PRKCH: variants seen among roughly 807,000 people sequenced by gnomAD.
PRKCH encodes the protein protein kinase C eta.
PRKCH carries 28 observed loss-of-function variants against 82.5 expected under a neutral mutation model. The ratio of observed to expected loss-of-function variants is 0.34; its 90% confidence interval spans 0.25 to 0.47. The LOEUF is 0.47. Among genes scored for constraint, PRKCH ranks in the 20% least tolerant of loss-of-function variants. The probability of loss-of-function intolerance (pLI) is 1.00; values close to 1 mark genes in which losing one functional copy is unlikely to be tolerated. For missense variants in PRKCH, 705 were observed against 881.8 expected (o/e 0.80, Z 2.54); for synonymous variants, 322 against 327.4 (o/e 0.98, Z 0.18).
chr14:61,485,407 T>A, intron 9 of PRKCH, 95 bp from the exon 10 acceptor site: 9 of 1,440,806 alleles, frequency 6.2e-6, no homozygotes, highest in Non-Finnish European at 8.5e-6. Flanking sequence ...CTTGACAGTG[T>A]CCTCTCTATG....
chr14:61,227,057 A>G (rs2044702373), intron 1 of PRKCH, among the ~76,000 whole-genome samples: 1 of 152,172 alleles, frequency 6.6e-6, no homozygotes, highest in Admixed American at 6.5e-5. Flanking sequence ...TAACTTAGCC[A>G]CTTTGCAAGG....
intron 1 of PRKCH, chr14:61,307,119 C>T (rs2045490305): frequency 6.6e-6 from 1 of 152,070 alleles, no homozygotes; most frequent in South Asian, 2.1e-4. Flanking sequence ...AACAACAGGG[C>T]CGGGTGCAGT....
At chr14:61,192,473 T>TA (rs1385174004) in intron 1 of PRKCH, among the ~76,000 whole-genome samples, 2 of 152,198 alleles carry the variant, frequency 1.3e-5, no homozygotes, top group African/African-American at 4.8e-5. Flanking sequence ...TAACAAATAG[T>TA]AAATGGTCTG....
chr14:61,452,479 T>G (rs772545621), intron 6 of PRKCH, among the ~76,000 whole-genome samples: 15 of 152,206 alleles, frequency 9.9e-5, no homozygotes, highest in Non-Finnish European at 1.5e-4. Flanking sequence ...TGTCTCAGAA[T>G]TTATTCCAGC....
At chr14:61,426,466 C>T (rs1251261936) in intron 2 of PRKCH, among the ~76,000 whole-genome samples, 2 of 152,194 alleles carry the variant, frequency 1.3e-5, no homozygotes, top group African/African-American at 4.8e-5. Flanking sequence ...ACTCTTAGCT[C>T]TTTCACAAGT....
At position 61,549,936 on chromosome 14, in the gene PRKCH, C is replaced by T. The variant is rs1308928480; in HGVS notation, c.*105C>T. On this transcript the variant is annotated 3_prime_UTR_variant, in exon 14 of 14. Coordinates refer to ENST00000332981, the MANE Select transcript of PRKCH (RefSeq NM_006255.5). ...CCAGCATCAGCCTTAGAACAAGAACCTTACCTTCAAGGAGCAAGTGAAGAA... is the reference window on the plus strand; with the variant it reads ...CCAGCATCAGCCTTAGAACAAGAACTTTACCTTCAAGGAGCAAGTGAAGAA... 5.5e-5 allele frequency: 71 copies of T among 1,290,484 alleles called. No individual in the cohort carries two copies. Among genetic ancestry groups the T allele is most frequent in the Non-Finnish European group, 6.8e-5 (64 of 941,346 alleles). The allele number at this position is 1,290,484 out of a possible 1,614,324, so 79.9% of individuals were successfully genotyped here.
intron 1 of PRKCH, among the ~76,000 whole-genome samples, chr14:61,258,078 A>G (rs1365575506): frequency 6.6e-6 from 1 of 152,212 alleles, no homozygotes; most frequent in East Asian, 1.9e-4. Flanking sequence ...CCACCTAATT[A>G]ATTTTCAATA....
At chr14:61,281,072 A>C in intron 1 of PRKCH, 1 of 1,517,362 alleles carries the variant, frequency 6.6e-7, no homozygotes, top group Non-Finnish European at 8.8e-7. Flanking sequence ...AGCGGCTGCC[A>C]GGCGGGGAGG....
intron 2 of PRKCH, among the ~76,000 whole-genome samples, chr14:61,391,773 G>A (rs943958152): frequency 4.7e-4 from 71 of 152,054 alleles, no homozygotes; most frequent in Non-Finnish European, 1.9e-4. Flanking sequence ...TTTTACTTGA[G>A]GTAAAATTTA....
chr14:61,210,774 CTCTCTCT>C (rs1166951026), intron 1 of PRKCH, among the ~76,000 whole-genome samples: 1 of 110,810 alleles, frequency 9.0e-6, no homozygotes, highest in African/African-American at 2.9e-5. Flanking sequence ...CTCTCTCTCT[CTCTCTCT>C]CTCTCTCTCT....
At chr14:61,384,834 T>C (rs1260344799) in intron 1 of PRKCH, among the ~76,000 whole-genome samples, 1 of 152,036 alleles carries the variant, frequency 6.6e-6, no homozygotes, top group Non-Finnish European at 1.5e-5. Context: ...AGAAACAACA[T>C]AGAGAACCCT....
intron 2 of PRKCH, among the ~76,000 whole-genome samples, chr14:61,420,127 G>A (rs1882758809): frequency 6.6e-6 from 1 of 152,206 alleles, no homozygotes; most frequent in Non-Finnish European, 1.5e-5. Flanking sequence ...GTTATTCCAA[G>A]GTGGATTTTT....
rs1248972620 is a variant in PRKCH at position 61,457,192 on chromosome 14, C to T, written c.977C>T (p.Ser326Leu). The T allele has an allele frequency of 1.9e-6, 3 of 1,613,922 alleles. No individual in the cohort carries two copies. Among genetic ancestry groups the T allele is most frequent in the Non-Finnish European group, 1.7e-6 (2 of 1,179,940 alleles). Residue 326 changes from serine (S) to leucine (L), a missense_variant, in exon 8 of 14, where the codon TCG becomes TTG. Physicochemically the swap from Ser to Leu is moderately radical, Grantham distance 145. Coordinates refer to ENST00000332981, the MANE Select transcript of PRKCH (RefSeq NM_006255.5). ...ISPTSKLVSR[S>L]TLRRQGKESS... ...CTCTTTCAGAAACTCGTTTCCAGATCGACCCTAAGACGACAGGGAAAGGAG... is the reference window on the plus strand; with the variant it reads ...CTCTTTCAGAAACTCGTTTCCAGATTGACCCTAAGACGACAGGGAAAGGAG...
chr14:61,473,419 T>C (rs1236158995), intron 9 of PRKCH, among the ~76,000 whole-genome samples: 2 of 152,096 alleles, frequency 1.3e-5, no homozygotes, highest in Non-Finnish European at 2.9e-5. Context: ...TGGCAGCAGA[T>C]CTGGTGAGGA....
intron 12 of PRKCH, among the ~76,000 whole-genome samples, chr14:61,542,012 G>A (rs1302859823): frequency 3.9e-5 from 6 of 152,326 alleles, no homozygotes; most frequent in East Asian, 3.9e-4. Context: ...TTTGTAGGCC[G>A]GGCGTGGTGG....
At chr14:61,328,966 A>G (rs2045742893) in intron 1 of PRKCH, among the ~76,000 whole-genome samples, 1 of 151,442 alleles carries the variant, frequency 6.6e-6, no homozygotes, top group Non-Finnish European at 1.5e-5. Flanking sequence ...AGCTTAAATG[A>G]CAGAGCAAAA....
intron 9 of PRKCH, among the ~76,000 whole-genome samples, chr14:61,460,494 TTTA>T (rs1884980107): frequency 6.6e-6 from 1 of 152,336 alleles, no homozygotes; most frequent in African/African-American, 2.4e-5. Context: ...TAGTGAACGT[TTTA>T]TTGTCCATGT....
intron 12 of PRKCH, among the ~76,000 whole-genome samples, chr14:61,534,652 A>C (rs563242558): frequency 6.6e-6 from 1 of 152,256 alleles, no homozygotes; most frequent in South Asian, 2.1e-4. Context: ...TAAACACAGA[A>C]TTGTAGAGCT....
intron 1 of PRKCH, among the ~76,000 whole-genome samples, chr14:61,221,370 A>G (rs1305079791): frequency 6.6e-6 from 1 of 152,076 alleles, no homozygotes; most frequent in Non-Finnish European, 1.5e-5. Flanking sequence ...GATGGTGGAT[A>G]TATCTATTAG....
Sources: allele counts gnomAD v4.1 joint callset (sites outside exome capture counted in the v4.1 genomes callset), GRCh38; gene constraint gnomAD v4.1.1; transcripts MANE v1.5; gene names NCBI Gene and HGNC (gene_info 2026-07-23, HGNC 2026-07-21).